LIPA: variants seen among roughly 807,000 people sequenced by gnomAD.
LIPA encodes the protein lipase A, lysosomal acid type, also known as lysosomal acid lipase/cholesteryl ester hydrolase.
A neutral mutation model predicts 40.6 loss-of-function variants in LIPA; 26 were observed. The observed-to-expected ratio is 0.64, with a 90% CI of 0.47 to 0.89. LIPA has a LOEUF of 0.89. Among genes scored for constraint, LIPA ranks in the 40% least tolerant of loss-of-function variants. LIPA has a pLI of 0.00. For synonymous variants in LIPA, 188 were observed against 168.4 expected, an observed-to-expected ratio of 1.12 and a Z score of -0.90; for missense variants, 455 against 479.6, an observed-to-expected ratio of 0.95 and a Z score of 0.48.
chr10:89,352,404 CG>C (rs1323801601), intron 2 of LIPA, among the ~76,000 whole-genome samples: 1 of 152,162 alleles, frequency 6.6e-6, no homozygotes, highest in East Asian at 1.9e-4. Flanking sequence ...TGGAAAGGCA[CG>C]AGGCTCAATT....
chr10:89,241,157 G>A (rs534580812), intron 3 of LIPA, among the ~76,000 whole-genome samples: 8 of 152,268 alleles, frequency 5.3e-5, no homozygotes, highest in African/African-American at 1.9e-4. Context: ...TAACCAGGAG[G>A]AAGAGGAGGG....
intron 1 of LIPA, among the ~76,000 whole-genome samples, chr10:89,286,713 G>T (rs980410489): frequency 2.1e-4 from 32 of 151,918 alleles, no homozygotes; most frequent in Admixed American, 3.9e-4. Context: ...TACCCAATCT[G>T]CTCCCAACAT....
intron 1 of LIPA, among the ~76,000 whole-genome samples, chr10:89,251,387 G>C (rs1843117994): frequency 6.6e-6 from 1 of 152,238 alleles, no homozygotes; most frequent in African/African-American, 2.4e-5. Flanking sequence ...GAGAGCACGA[G>C]GATGCAGAGA....
intron 1 of LIPA, among the ~76,000 whole-genome samples, chr10:89,320,081 G>A (rs1843563092): frequency 6.6e-6 from 1 of 152,070 alleles, no homozygotes; most frequent in Admixed American, 6.5e-5. Context: ...AATAATAAGA[G>A]CTATTTATGA....
At chr10:89,335,059 G>T (rs2133553644) in intron 1 of LIPA, among the ~76,000 whole-genome samples, 1 of 152,168 alleles carries the variant, frequency 6.6e-6, no homozygotes, top group Middle Eastern at 3.4e-3. Flanking sequence ...GAGGTCTCAG[G>T]CCTTCCAGTC....
At chr10:89,312,351 G>A (rs1843521165) in intron 1 of LIPA, among the ~76,000 whole-genome samples, 1 of 152,116 alleles carries the variant, frequency 6.6e-6, no homozygotes. Flanking sequence ...TGAGGTAGGA[G>A]GAACACTTGA....
At chr10:89,365,085 TG>T (rs1199028472) in intron 2 of LIPA, among the ~76,000 whole-genome samples, 2 of 152,194 alleles carry the variant, frequency 1.3e-5, no homozygotes, top group African/African-American at 2.4e-5. Context: ...GGAAAGGATA[TG>T]GAGCCCTTCA....
intron 1 of LIPA, chr10:89,306,245 T>C (rs1490935213): frequency 1.2e-6 from 2 of 1,614,008 alleles, no homozygotes; most frequent in Admixed American, 3.3e-5. Context: ...TCTGGTCACC[T>C]GGGGAAACTA....
chr10:89,236,861 A>G (rs1842911274), intron 3 of LIPA, among the ~76,000 whole-genome samples: 1 of 152,252 alleles, frequency 6.6e-6, no homozygotes, highest in Non-Finnish European at 1.5e-5. Flanking sequence ...AAGATTCAAG[A>G]AAAAGCAAAG....
chr10:89,216,455 T>G (rs908713933), intron 8 of LIPA, among the ~76,000 whole-genome samples: 1 of 151,000 alleles, frequency 6.6e-6, no homozygotes, highest in Non-Finnish European at 1.5e-5. Flanking sequence ...GATGGATATA[T>G]ATAGATAAAA....
intron 1 of LIPA, among the ~76,000 whole-genome samples, chr10:89,296,327 C>A (rs146864192): frequency 6.6e-6 from 1 of 151,866 alleles, no homozygotes. Context: ...TACCCCATCT[C>A]TACTAAAAAT....
chr10:89,328,006 A>T, intron 1 of LIPA: 1 of 1,581,546 alleles, frequency 6.3e-7, no homozygotes, highest in African/African-American at 1.3e-5. Flanking sequence ...GGCAGACAGG[A>T]AGACTTCTGA....
chr10:89,329,126 T>C (rs2133538848), intron 1 of LIPA, among the ~76,000 whole-genome samples: 1 of 151,944 alleles, frequency 6.6e-6, no homozygotes, highest in East Asian at 1.9e-4. Context: ...AGGAAAGGAG[T>C]GAGGAGGTGA....
intron 1 of LIPA, among the ~76,000 whole-genome samples, chr10:89,282,230 T>C (rs892728298): frequency 6.6e-6 from 1 of 152,218 alleles, no homozygotes; most frequent in African/African-American, 2.4e-5. Flanking sequence ...GATTTTTATT[T>C]CTCTGAGCAT....
At chr10:89,407,337 C>T (rs2133641663) in intron 2 of LIPA, among the ~76,000 whole-genome samples, 1 of 152,312 alleles carries the variant, frequency 6.6e-6, no homozygotes, top group South Asian at 2.1e-4. Flanking sequence ...CTTCTAAAAA[C>T]CACTCCCTGT....
intron 2 of LIPA, among the ~76,000 whole-genome samples, chr10:89,348,208 C>T (rs1007355872): frequency 6.6e-6 from 1 of 152,108 alleles, no homozygotes; most frequent in African/African-American, 2.4e-5. Flanking sequence ...GGAAGATTTC[C>T]GTCAGACAGA....
intron 1 of LIPA, among the ~76,000 whole-genome samples, chr10:89,248,477 T>C (rs1843067822): frequency 9.3e-6 from 1 of 107,186 alleles, no homozygotes; most frequent in African/African-American, 3.6e-5. Context: ...TATTTATTTA[T>C]TTATTTATTT....
chr10:89,269,850 T>G (rs1241278215), intron 1 of LIPA, among the ~76,000 whole-genome samples: 1 of 152,212 alleles, frequency 6.6e-6, no homozygotes, highest in Non-Finnish European at 1.5e-5. Flanking sequence ...AATCTGCAGG[T>G]ACAGATTTGT....
chr10:89,398,760 G>A (rs1844381041), intron 2 of LIPA, among the ~76,000 whole-genome samples: 1 of 151,978 alleles, frequency 6.6e-6, no homozygotes, highest in African/African-American at 2.4e-5. Context: ...ACCACATTTT[G>A]TTTATCCATT....
Sources: allele counts gnomAD v4.1 joint callset (sites outside exome capture counted in the v4.1 genomes callset), GRCh38; gene constraint gnomAD v4.1.1; transcripts MANE v1.5; gene names NCBI Gene and HGNC (gene_info 2026-07-23, HGNC 2026-07-21).